The following C2CD3 variants were observed in gnomAD, a reference collection of about 807,000 sequenced individuals.
C2CD3 encodes C2 domain containing 3 centriole elongation regulator.
A neutral mutation model predicts 234.0 loss-of-function variants in C2CD3; 148 were observed. The observed-to-expected ratio is 0.63, with a 90% CI of 0.55 to 0.72. The LOEUF is 0.72. Ranked by LOEUF, C2CD3 falls within the 30% of genes least tolerant of loss-of-function variation. The pLI is 0.00. For synonymous variants in C2CD3, 1,000 were observed against 1,035.4 expected (o/e 0.97, Z 0.66); for missense variants, 2,577 against 2,811.5 (o/e 0.92, Z 1.89).
chr11:74,024,601 G>T (rs1468573423), intron 32 of C2CD3, among the ~76,000 whole-genome samples: 2 of 152,194 alleles, frequency 1.3e-5, no homozygotes, highest in Non-Finnish European at 2.9e-5. Context: ...TCTAAAATAA[G>T]TATAAGAAAA....
At position 74,074,238 on chromosome 11, in the gene C2CD3, G is replaced by C; in HGVS notation, c.4951+15C>G. The C allele has an allele frequency of 6.3e-7, 1 of 1,577,492 alleles. No individual in the cohort carries two copies. The highest frequency in any genetic ancestry group is 1.7e-5 in the Admixed American group (1 of 59,478). ...AAGAGTTAGACATGCTCCTGGGTAG[G>C]TGAGGAGAGCATACCTTTCAAGCTC... is the stretch of plus-strand genomic sequence containing the variant. On this transcript the variant is annotated intron_variant, in intron 24 of 32. Coordinates refer to ENST00000334126, the MANE Select transcript of C2CD3 (RefSeq NM_001286577.2).
intron 5 of C2CD3, among the ~76,000 whole-genome samples, chr11:74,137,579 ATATTT>A (rs1463176271): frequency 6.7e-6 from 1 of 150,012 alleles, no homozygotes; most frequent in Non-Finnish European, 1.5e-5. Flanking sequence ...ATATATATAT[ATATTT>A]TTTCTTTTTT....
At chr11:74,043,120 A>G (rs572451425) in intron 28 of C2CD3, among the ~76,000 whole-genome samples, 14 of 152,342 alleles carry the variant, frequency 9.2e-5, no homozygotes, top group Admixed American at 3.9e-4. Flanking sequence ...TACCACTCAC[A>G]AAACAACCTC....
intron 32 of C2CD3, chr11:74,016,708 T>C (rs1951891324): frequency 6.6e-6 from 1 of 152,210 alleles, no homozygotes; most frequent in Non-Finnish European, 1.5e-5. Context: ...ACAACCCTGG[T>C]GGGGTTGGCC....
chr11:74,085,737 T>C lies in C2CD3; in HGVS notation c.3791A>G (p.His1264Arg). Residue 1264 changes from histidine (H) to arginine (R), a missense_variant, in exon 21 of 33, where the codon CAC becomes CGC. By Grantham distance (29) the His-to-Arg change is conservative (BLOSUM62 0). Transcript: ENST00000334126. ...ACSFCPEFSHHVEFTCNLVTQ... is the reference protein window; with the variant it reads ...ACSFCPEFSHRVEFTCNLVTQ... ...CACCAAGTTACATGTGAACTCAACG[T>C]GATGGGAGAACTCAGGGCAGAAAGA... 6.2e-7 allele frequency: 1 copy of C among 1,613,984 alleles called. No homozygotes were observed. The highest frequency in any genetic ancestry group is 1.1e-5 in the South Asian group (1 of 91,064).
chr11:74,064,167 G>T (rs1026869310), intron 24 of C2CD3, among the ~76,000 whole-genome samples: 3 of 151,670 alleles, frequency 2.0e-5, no homozygotes, highest in Non-Finnish European at 4.4e-5. Flanking sequence ...TTGTCCTTGC[G>T]ATAGTTTGCT....
At chr11:74,093,327 A>T (rs1955971045) in intron 18 of C2CD3, among the ~76,000 whole-genome samples, 1 of 147,910 alleles carries the variant, frequency 6.8e-6, no homozygotes, top group South Asian at 2.1e-4. Context: ...AATCAAATAT[A>T]ATAATTTATA....
At chr11:74,165,585 T>C (rs1329872705) in intron 2 of C2CD3, among the ~76,000 whole-genome samples, 1 of 152,130 alleles carries the variant, frequency 6.6e-6, no homozygotes, top group East Asian at 1.9e-4. Flanking sequence ...GCATACTTTT[T>C]CCAAGTTTTT....
At position 74,013,339 on chromosome 11, in the gene C2CD3, C is replaced by T. The variant is rs1014294873; in HGVS notation, c.*46G>A. On this transcript the variant is annotated 3_prime_UTR_variant, in exon 33 of 33. Transcript: ENST00000334126. ...CCTCCTGCAAGCTGGACAAAGCTGA[C>T]GGAGGGTGGGCAGGTGTCTCCTTCC... 7.6e-5 allele frequency: 46 copies of T among 603,366 alleles called. 1 individual carries two copies. Among genetic ancestry groups the T allele is most frequent in the South Asian group, 5.8e-4 (20 of 34,630 alleles). The allele number at this position is 603,366 out of a possible 1,614,324, so 37.4% of individuals were successfully genotyped here. A position where few individuals can be genotyped will look rare whatever the true frequency, so the allele number is the denominator to read the frequency against.
Position 74,085,720 on chromosome 11 carries a change from T to TA in C2CD3, c.3807dup (p.Asn1270Ter). 6.2e-7 allele frequency: 1 copy of TA among 1,614,124 alleles called. No individual in the cohort carries two copies. Among genetic ancestry groups the TA allele is most frequent in the Non-Finnish European group, 8.5e-7 (1 of 1,180,006 alleles). On this transcript the variant is annotated frameshift_variant, in exon 21 of 33. Transcript: ENST00000334126. LOFTEE classifies it high-confidence loss of function. ...CCACTACAGTGCTGAGTCACCAAGT[T>TA]ACATGTGAACTCAACGTGATGGGAG...
chr11:74,073,458 A>G (rs1247558532), intron 24 of C2CD3, among the ~76,000 whole-genome samples: 1 of 152,010 alleles, frequency 6.6e-6, no homozygotes, highest in Non-Finnish European at 1.5e-5. Flanking sequence ...GTGGTGGCAC[A>G]AGCCTGTAAT....
intron 32 of C2CD3, among the ~76,000 whole-genome samples, chr11:74,015,892 C>T (rs532864109): frequency 4.0e-5 from 6 of 149,380 alleles, no homozygotes; most frequent in Non-Finnish European, 8.9e-5. Flanking sequence ...CATAGGGAAA[C>T]CCTGTCTCAA....
At position 74,161,441 on chromosome 11, in the gene C2CD3, A is replaced by T. The variant is rs1856460686; in HGVS notation, c.441T>A (p.Phe147Leu). ...TCTTAGACGTTGATGAAACAATGGT[A>T]AAAAATCCATTGATTTGATGGGTTG... ...LSPTHQINGFFTIVSSTSKKL... is the reference protein window; with the variant it reads ...LSPTHQINGFLTIVSSTSKKL... Residue 147 changes from phenylalanine (F) to leucine (L), a missense_variant, in exon 3 of 33, where the codon TTT (phenylalanine) becomes TTA (leucine). Transcript: ENST00000334126. The T allele has an allele frequency of 2.5e-6, 4 of 1,599,910 alleles. No homozygotes were observed. The highest frequency in any genetic ancestry group is 3.4e-6 in the Non-Finnish European group (4 of 1,171,884).
intron 26 of C2CD3, among the ~76,000 whole-genome samples, chr11:74,049,765 A>G (rs182063276): frequency 0.011 from 1,716 of 152,102 alleles, 31 homozygotes; most frequent in African/African-American, 0.04. Context: ...ACAGGCTTGC[A>G]CTTCATTCTC....
intron 3 of C2CD3, among the ~76,000 whole-genome samples, chr11:74,148,459 ATATT>A (rs1346768030): frequency 2.0e-5 from 3 of 151,796 alleles, no homozygotes; most frequent in African/African-American, 4.8e-5. Context: ...ATATGTGTGT[ATATT>A]TATATATGTG....
Position 74,085,767 on chromosome 11 carries a change from G to C in C2CD3, c.3761C>G (p.Ala1254Gly), listed in dbSNP as rs375389249. The C allele has an allele frequency of 6.2e-7, 1 of 1,614,132 alleles. No individual in the cohort carries two copies. The highest frequency in any genetic ancestry group is 8.5e-7 in the Non-Finnish European group (1 of 1,180,024). ...QGEQRRTHPVACSFCPEFSHH... is the reference protein window; with the variant it reads ...QGEQRRTHPVGCSFCPEFSHH... ...GGAGAACTCAGGGCAGAAAGAACAGGCCACAGGGTGGGTTCGGCGCTGTTC... is the reference window on the plus strand; with the variant it reads ...GGAGAACTCAGGGCAGAAAGAACAGCCCACAGGGTGGGTTCGGCGCTGTTC... The change falls in exon 21 of 33, where the codon GCC (alanine) becomes GGC (glycine). Residue 1254 changes from alanine to glycine, a missense_variant. By Grantham distance (60) the Ala-to-Gly change is moderately conservative (BLOSUM62 0). Transcript: ENST00000334126.
At chr11:74,118,415 A>G in intron 8 of C2CD3, 33 bp from the exon 9 acceptor site, 1 of 1,580,024 alleles carries the variant, frequency 6.3e-7, no homozygotes. Context: ...ACACTAAATG[A>G]CTGCTGCTTT....
At chr11:74,100,976 C>G (rs112210178) in intron 14 of C2CD3, among the ~76,000 whole-genome samples, 6 of 152,194 alleles carry the variant, frequency 3.9e-5, no homozygotes, top group Non-Finnish European at 8.8e-5. Context: ...GCCTGCCAAA[C>G]TCGTCCAACC....
chr11:74,124,430 G>A (rs1957333045), intron 7 of C2CD3, among the ~76,000 whole-genome samples: 1 of 152,124 alleles, frequency 6.6e-6, no homozygotes, highest in Non-Finnish European at 1.5e-5. Context: ...TGTTGGGTCA[G>A]ACAATTCTTT....
Sources: allele counts gnomAD v4.1 joint callset (sites outside exome capture counted in the v4.1 genomes callset), GRCh38; gene constraint gnomAD v4.1.1; transcripts MANE v1.5; gene names NCBI Gene and HGNC (gene_info 2026-07-23, HGNC 2026-07-21).